TAFA4: variants seen among roughly 807,000 people sequenced by gnomAD.
TAFA4 encodes TAFA chemokine like family member 4, also known as chemokine-like protein TAFA-4.
TAFA4 carries 20 observed loss-of-function variants against 21.1 expected under a neutral mutation model. That is an observed-to-expected ratio of 0.95 (90% CI 0.67 to 1.38). The LOEUF (loss-of-function observed/expected upper bound fraction) is 1.38. Ranked by LOEUF, TAFA4 falls within the 40% of genes most tolerant of loss-of-function variation. TAFA4 has a pLI of 0.00. For missense variants in TAFA4, 211 were observed against 180.9 expected (o/e 1.17, Z -0.95); for synonymous variants, 71 against 67.4 (o/e 1.05, Z -0.26).
intron 3 of TAFA4, among the ~76,000 whole-genome samples, chr3:68,823,132 C>T (rs1704149408): frequency 6.6e-6 from 1 of 152,132 alleles, no homozygotes; most frequent in South Asian, 2.1e-4. Context: ...AATGCCCCTG[C>T]CCAGGATTCA....
rs557973575 is a variant in TAFA4, at chr3:68,906,008, A to G, written c.-122-20698T>C. Among the ~76,000 whole-genome samples, 62 of 152,350 alleles carry G rather than the reference A, an allele frequency of 4.1e-4. No individual in the cohort carries two copies. The South Asian group carries it at 5.4e-3, about 13-fold the overall frequency. ...TCCCAAACTGCCTGAGTCCCAGGGCATTTGGGAAAGGTAAAAGCAAAAGTA... is the reference window on the plus strand; with the variant it reads ...TCCCAAACTGCCTGAGTCCCAGGGCGTTTGGGAAAGGTAAAAGCAAAAGTA... On this transcript the variant is annotated intron_variant, in intron 1 of 5. Transcript: ENST00000295569.
chr3:68,794,161 T>C (rs1703413568), intron 3 of TAFA4, among the ~76,000 whole-genome samples: 1 of 152,222 alleles, frequency 6.6e-6, no homozygotes, highest in Admixed American at 6.5e-5. Context: ...TTGCCATTGA[T>C]GAGAACATGG....
At chr3:68,868,133 A>T (rs1201246385) in intron 3 of TAFA4, among the ~76,000 whole-genome samples, 2 of 152,064 alleles carry the variant, frequency 1.3e-5, no homozygotes, top group Non-Finnish European at 2.9e-5. Context: ...ACACACATAG[A>T]CTGAAAGTGA....
rs144947369 is a variant in TAFA4, at chr3:68,910,049, A to T, written c.-123+22191T>A. On this transcript the variant is annotated intron_variant, in intron 1 of 5. Transcript: ENST00000295569. ...AGAGGTTAAGCTGTTCCTAAAGGTC[A>T]CCTGCAGTCCTTTACCACATGGGCA... is the stretch of plus-strand genomic sequence containing the variant. 4.7e-4 allele frequency among the ~76,000 whole-genome samples: 72 copies of T among 152,260 alleles called. 2 individuals are homozygous for T. In the East Asian group the frequency reaches 0.014, roughly 29 times the overall value.
intron 1 of TAFA4, among the ~76,000 whole-genome samples, chr3:68,915,424 A>C (rs9816950): frequency 0.028 from 4,250 of 152,280 alleles, 201 homozygotes; most frequent in African/African-American, 0.096. Flanking sequence ...TTTAAAACCA[A>C]CCAACTGTAG....
intron 3 of TAFA4, among the ~76,000 whole-genome samples, chr3:68,754,410 T>G (rs1228334532): frequency 6.6e-6 from 1 of 152,234 alleles, no homozygotes; most frequent in East Asian, 1.9e-4. Context: ...AAGAGTTACA[T>G]GCCAATTATT....
chr3:68,897,005 T>C (rs1218055647), intron 1 of TAFA4, among the ~76,000 whole-genome samples: 1 of 152,118 alleles, frequency 6.6e-6, no homozygotes, highest in Non-Finnish European at 1.5e-5. Context: ...CGGGTTTAAG[T>C]GATTCTCCTG....
intron 3 of TAFA4, among the ~76,000 whole-genome samples, chr3:68,759,902 G>A (rs1428364087): frequency 6.6e-6 from 1 of 152,062 alleles, no homozygotes; most frequent in Non-Finnish European, 1.5e-5. Context: ...TAGATGGGTA[G>A]GTACTAATTT....
chr3:68,837,228 G>A (rs1375600660), intron 3 of TAFA4, among the ~76,000 whole-genome samples: 1 of 152,208 alleles, frequency 6.6e-6, no homozygotes, highest in African/African-American at 2.4e-5. Context: ...GCTAAATGAT[G>A]TCCAAGAACA....
At chr3:68,916,287 A>G (rs1270254534) in intron 1 of TAFA4, 1 of 152,196 alleles carries the variant, frequency 6.6e-6, no homozygotes, top group Non-Finnish European at 1.5e-5. Flanking sequence ...CAATATTGGC[A>G]ATTTGGAGGA....
intron 3 of TAFA4, among the ~76,000 whole-genome samples, chr3:68,842,906 G>C (rs1022488868): frequency 2.0e-5 from 3 of 152,076 alleles, no homozygotes; most frequent in Non-Finnish European, 4.4e-5. Context: ...ATCTGCTTTG[G>C]TACCATTACC....
At chr3:68,828,058 G>T (rs886099463) in intron 3 of TAFA4, among the ~76,000 whole-genome samples, 1 of 152,082 alleles carries the variant, frequency 6.6e-6, no homozygotes, top group Non-Finnish European at 1.5e-5. Context: ...TAATTTTTGT[G>T]TAAGATGTAA....
chr3:68,814,925 T>C (rs1263515926), intron 3 of TAFA4, among the ~76,000 whole-genome samples: 1 of 152,154 alleles, frequency 6.6e-6, no homozygotes, highest in Non-Finnish European at 1.5e-5. Context: ...ACTACAAGGC[T>C]ACAGTAACCA....
intron 5 of TAFA4, among the ~76,000 whole-genome samples, chr3:68,738,712 G>T (rs543106160): frequency 6.6e-6 from 1 of 152,282 alleles, no homozygotes; most frequent in South Asian, 2.1e-4. Context: ...CTCCTTTAAA[G>T]CAATAGGTAT....
At chr3:68,922,541 A>G (rs1292175495) in intron 1 of TAFA4, among the ~76,000 whole-genome samples, 1 of 152,228 alleles carries the variant, frequency 6.6e-6, no homozygotes, top group Non-Finnish European at 1.5e-5. Flanking sequence ...AATGAGGATC[A>G]TGAAACTTAC....
chr3:68,792,337 T>G, intron 3 of TAFA4, among the ~76,000 whole-genome samples: 1 of 152,172 alleles, frequency 6.6e-6, no homozygotes, highest in East Asian at 1.9e-4. Flanking sequence ...TTGACAATCA[T>G]GTTCTCCCTC....
intron 1 of TAFA4, among the ~76,000 whole-genome samples, chr3:68,922,684 T>C (rs535420620): frequency 2.0e-5 from 3 of 152,324 alleles, no homozygotes; most frequent in Non-Finnish European, 2.9e-5. Flanking sequence ...AGAGTAAACT[T>C]GGAATCAAAA....
At chr3:68,875,565 A>G (rs1202408780) in intron 3 of TAFA4, among the ~76,000 whole-genome samples, 1 of 152,192 alleles carries the variant, frequency 6.6e-6, no homozygotes, top group African/African-American at 2.4e-5. Context: ...TACTGAAATA[A>G]CCATTCACTG....
chr3:68,883,554 G>A (rs1295770927), intron 2 of TAFA4, among the ~76,000 whole-genome samples: 1 of 152,030 alleles, frequency 6.6e-6, no homozygotes, highest in Non-Finnish European at 1.5e-5. Flanking sequence ...ACACTCAAAG[G>A]AAAGCAATTA....
Sources: gnomAD v4.1 joint callset for allele counts (sites outside exome capture counted in the v4.1 genomes callset) on GRCh38, gnomAD v4.1.1 for gene constraint, MANE v1.5 for transcripts, NCBI Gene and HGNC (gene_info 2026-07-23, HGNC 2026-07-21) for gene names.